Variants in ZMYM4 observed in about 807,000 individuals in gnomAD.
ZMYM4 encodes zinc finger MYM-type protein 4.
In ZMYM4, 31 loss-of-function variants were observed where a neutral mutation model predicts 183.2. The ratio of observed to expected loss-of-function variants is 0.17; its 90% confidence interval spans 0.13 to 0.23. The LOEUF (loss-of-function observed/expected upper bound fraction) is 0.23, where lower values mean the gene tolerates loss of function less well. ZMYM4 is among the 10% of genes least tolerant of loss of function. The probability of loss-of-function intolerance (pLI) is 1.00; values close to 1 mark genes in which losing one functional copy is unlikely to be tolerated. For missense variants in ZMYM4, 1,273 were observed against 1,840.3 expected, an observed-to-expected ratio of 0.69 and a Z score of 5.64; for synonymous variants, 592 against 631.2, an observed-to-expected ratio of 0.94 and a Z score of 0.93.
intron 27 of ZMYM4, among the ~76,000 whole-genome samples, 189 bp from the exon 28 acceptor site, chr1:35,415,277 G>A (rs1414524994): frequency 6.6e-6 from 1 of 152,128 alleles, no homozygotes; most frequent in Non-Finnish European, 1.5e-5. Context: ...TCCACGAACG[G>A]TGTCTACTTG....
intron 1 of ZMYM4, among the ~76,000 whole-genome samples, chr1:35,299,317 T>A (rs1001165185): frequency 6.6e-6 from 1 of 152,120 alleles, no homozygotes; most frequent in Non-Finnish European, 1.5e-5. Context: ...GAACAAAGAA[T>A]TGGACAAAAC....
chr1:35,415,948 G>A (rs1191864335), intron 28 of ZMYM4, among the ~76,000 whole-genome samples: 1 of 152,094 alleles, frequency 6.6e-6, no homozygotes, highest in Non-Finnish European at 1.5e-5. Context: ...ATTTAATTGG[G>A]CAGAGCTCAA....
chr1:35,304,372 ATTATC>A (rs1307072819), intron 1 of ZMYM4, among the ~76,000 whole-genome samples: 1 of 151,924 alleles, frequency 6.6e-6, no homozygotes, highest in African/African-American at 2.4e-5. Flanking sequence ...TGATATTGTA[ATTATC>A]TTGTTTTATA....
intron 1 of ZMYM4, among the ~76,000 whole-genome samples, chr1:35,302,190 A>G (rs1641309634): frequency 2.1e-5 from 3 of 141,070 alleles, no homozygotes; most frequent in Non-Finnish European, 4.5e-5. Flanking sequence ...CAAGCTAAAA[A>G]CGGCTCTTGC....
intron 1 of ZMYM4, among the ~76,000 whole-genome samples, chr1:35,276,808 T>C (rs1639901392): frequency 6.6e-6 from 1 of 152,248 alleles, no homozygotes; most frequent in East Asian, 1.9e-4. Context: ...GGTTTTGCCA[T>C]GTTGGCCAAG....
Position 35,389,090 on chromosome 1 carries a change from GAATT to G in ZMYM4, c.2436+9_2436+12del. ...ACAGTTTTGTTCTATCAGGTAAATA[GAATT>G]CACATTCCTGGGTTTTTCATTCTAG... On this transcript the variant is annotated intron_variant, in intron 14 of 29. Coordinates refer to ENST00000314607, the MANE Select transcript of ZMYM4 (RefSeq NM_005095.3). The surrounding 1 kb of genome is among the most constrained non-coding windows in gnomAD (Gnocchi z 4.0). 6.2e-7 allele frequency: 1 copy of G among 1,603,820 alleles called. No individual in the cohort carries two copies. The highest frequency in any genetic ancestry group is 2.2e-5 in the East Asian group (1 of 44,594).
At chr1:35,270,899 A>G (rs189341990) in intron 1 of ZMYM4, among the ~76,000 whole-genome samples, 49 of 152,328 alleles carry the variant, frequency 3.2e-4, no homozygotes, top group Middle Eastern at 3.4e-3. Flanking sequence ...TTTGAACAAT[A>G]AATTTTTACC....
At chr1:35,360,951 T>TC (rs1302530320) in intron 3 of ZMYM4, among the ~76,000 whole-genome samples, 1 of 151,620 alleles carries the variant, frequency 6.6e-6, no homozygotes, top group East Asian at 1.9e-4. Flanking sequence ...TAATTTTTTT[T>TC]TTTTTTTTTT....
chr1:35,281,801 T>C (rs113704533), intron 1 of ZMYM4, among the ~76,000 whole-genome samples: 32 of 152,230 alleles, frequency 2.1e-4, no homozygotes, highest in Non-Finnish European at 4.3e-4. Context: ...CTACATGTTA[T>C]GCAGTAACCC....
chr1:35,376,911 T>C (rs1031791942), intron 7 of ZMYM4, among the ~76,000 whole-genome samples: 1 of 152,090 alleles, frequency 6.6e-6, no homozygotes, highest in Non-Finnish European at 1.5e-5. Context: ...CTTAAGTACA[T>C]ACGTCTCTTT....
intron 1 of ZMYM4, among the ~76,000 whole-genome samples, chr1:35,281,023 G>A (rs948559191): frequency 2.6e-5 from 4 of 152,066 alleles, no homozygotes; most frequent in South Asian, 2.1e-4. Flanking sequence ...GATGGCTCAC[G>A]CACGTAATCC....
At chr1:35,361,097 G>C in intron 3 of ZMYM4, 97 bp from the exon 4 acceptor site, 1 of 1,061,178 alleles carries the variant, frequency 9.4e-7, no homozygotes, top group Non-Finnish European at 1.3e-6. Context: ...TGTTGGAAAA[G>C]AGAGGTGATT....
At chr1:35,395,391 T>C (rs1409483906) in intron 18 of ZMYM4, among the ~76,000 whole-genome samples, 1 of 151,326 alleles carries the variant, frequency 6.6e-6, no homozygotes, top group African/African-American at 2.4e-5. Flanking sequence ...AGCCCAGGAG[T>C]TCAAGACCAG....
In ZMYM4 at chr1:35,288,159, A is replaced by C. The variant is rs147181602; in HGVS notation, c.39+19074A>C. On this transcript the variant is annotated intron_variant, in intron 1 of 29. Coordinates refer to ENST00000314607, the MANE Select transcript of ZMYM4 (RefSeq NM_005095.3). Reference sequence around the variant, plus strand: ...ATTTTAAAAACATTTTTGATGTTCTACTGCCACCACCTTAGTTCTGGTACT... The same window carrying C: ...ATTTTAAAAACATTTTTGATGTTCTCCTGCCACCACCTTAGTTCTGGTACT... Among the ~76,000 whole-genome samples the C allele has an allele frequency of 3.3e-3, 498 of 152,318 alleles. 4 individuals carry two copies. Among genetic ancestry groups the C allele is most frequent in the African/African-American group, 0.011 (478 of 41,570 alleles).
intron 1 of ZMYM4, 70 bp downstream of exon 1, chr1:35,269,155 C>G: frequency 6.5e-7 from 1 of 1,533,304 alleles, no homozygotes; most frequent in Non-Finnish European, 8.8e-7. Context: ...ATGGGCCATA[C>G]TCAGGTTCGT....
At chr1:35,269,642 A>G (rs533598068) in intron 1 of ZMYM4, among the ~76,000 whole-genome samples, 1 of 152,214 alleles carries the variant, frequency 6.6e-6, no homozygotes, top group East Asian at 1.9e-4. Context: ...GATTTAGGAG[A>G]AAGATTTTGG....
At chr1:35,332,263 T>C (rs1010553844) in intron 2 of ZMYM4, among the ~76,000 whole-genome samples, 4 of 152,202 alleles carry the variant, frequency 2.6e-5, no homozygotes, top group Non-Finnish European at 5.9e-5. Context: ...TTCTAAATTA[T>C]GTAAGTTATA....
At chr1:35,339,108 G>A (rs537029902) in intron 2 of ZMYM4, among the ~76,000 whole-genome samples, 24 of 152,070 alleles carry the variant, frequency 1.6e-4, no homozygotes, top group African/African-American at 2.7e-4. Flanking sequence ...TCAACCAATC[G>A]TGGATCAAAA....
intron 7 of ZMYM4, among the ~76,000 whole-genome samples, chr1:35,375,117 T>C (rs1341701102): frequency 1.3e-5 from 2 of 152,182 alleles, no homozygotes; most frequent in East Asian, 3.8e-4. Flanking sequence ...TCCTTACTTA[T>C]CTCCTTAGCC....
Sources: gnomAD v4.1 joint callset for allele counts (sites outside exome capture counted in the v4.1 genomes callset) on GRCh38, gnomAD v4.1.1 for gene constraint, Gnocchi (gnomAD v3.1) non-coding constraint, MANE v1.5 for transcripts, NCBI Gene and HGNC (gene_info 2026-07-23, HGNC 2026-07-21) for gene names.